The following CACNA2D3 variants were observed in gnomAD, a reference collection of about 807,000 sequenced individuals.
The protein encoded by CACNA2D3 is calcium voltage-gated channel auxiliary subunit alpha2delta 3.
Under a neutral mutation model 160.6 loss-of-function variants are expected in CACNA2D3, and 60 were observed. The observed-to-expected ratio is 0.37, with a 90% confidence interval of 0.30 to 0.46. The LOEUF is 0.46. CACNA2D3 is among the 20% of genes least tolerant of loss of function. The pLI, the probability that CACNA2D3 is intolerant of heterozygous loss-of-function variation, is 1.00. For synonymous variants in CACNA2D3, 558 were observed against 492.9 expected, an observed-to-expected ratio of 1.13 and a Z score of -1.75; for missense variants, 1,205 against 1,365.0, an observed-to-expected ratio of 0.88 and a Z score of 1.85.
intron 9 of CACNA2D3, among the ~76,000 whole-genome samples, chr3:54,592,988 G>A (rs1702889767): frequency 6.6e-6 from 1 of 152,040 alleles, no homozygotes; most frequent in Non-Finnish European, 1.5e-5. Flanking sequence ...TGGGGTGAGG[G>A]GTATGTTATG....
At chr3:54,253,345 G>T (rs2107427824) in intron 2 of CACNA2D3, among the ~76,000 whole-genome samples, 1 of 152,212 alleles carries the variant, frequency 6.6e-6, no homozygotes, top group East Asian at 1.9e-4. Context: ...AGCGGATTCT[G>T]CTTGGCTTCT....
At chr3:54,142,417 G>C (rs1699954158) in intron 2 of CACNA2D3, among the ~76,000 whole-genome samples, 1 of 152,138 alleles carries the variant, frequency 6.6e-6, no homozygotes, top group South Asian at 2.1e-4. Flanking sequence ...CTGCCTTCAG[G>C]AAGCCTTATT....
chr3:54,311,329 A>G (rs1362263145), intron 2 of CACNA2D3, among the ~76,000 whole-genome samples: 3 of 152,088 alleles, frequency 2.0e-5, no homozygotes, highest in Non-Finnish European at 1.5e-5. Context: ...GCCCCTTTCT[A>G]TCACACCTTG....
chr3:54,613,176 G>A (rs1403706995), intron 9 of CACNA2D3, among the ~76,000 whole-genome samples: 1 of 152,152 alleles, frequency 6.6e-6, no homozygotes, highest in Non-Finnish European at 1.5e-5. Flanking sequence ...TTACCTGCCA[G>A]GTAGACTGTA....
intron 29 of CACNA2D3, among the ~76,000 whole-genome samples, chr3:54,978,984 A>G (rs994917198): frequency 6.6e-6 from 1 of 152,256 alleles, no homozygotes; most frequent in African/African-American, 2.4e-5. Context: ...GATTATTTGT[A>G]TACAGTGCAG....
intron 5 of CACNA2D3, among the ~76,000 whole-genome samples, chr3:54,533,360 G>T (rs1420897356): frequency 3.5e-5 from 4 of 113,670 alleles, no homozygotes; most frequent in Non-Finnish European, 5.0e-5. Context: ...TTTTGAGACA[G>T]AGTCTCATTC....
chr3:55,074,038 G>A, intron 37 of CACNA2D3, 76 bp from the exon 38 acceptor site: 2 of 1,257,516 alleles, frequency 1.6e-6, no homozygotes, highest in Non-Finnish European at 2.3e-6. Flanking sequence ...GTTAGAGAGG[G>A]GGAGAGAGGT....
chr3:55,024,220 GCTTATTC>G (rs1170028091), intron 35 of CACNA2D3, among the ~76,000 whole-genome samples: 1 of 149,930 alleles, frequency 6.7e-6, no homozygotes, highest in Non-Finnish European at 1.5e-5. Flanking sequence ...ATGAAGTTCT[GCTTATTC>G]CTGGGTGATT....
intron 27 of CACNA2D3, among the ~76,000 whole-genome samples, chr3:54,909,065 C>A (rs1253167687): frequency 1.3e-5 from 2 of 152,150 alleles, no homozygotes; most frequent in Admixed American, 1.3e-4. Context: ...TAAGTGGATG[C>A]CGAAGACAGA....
In CACNA2D3 at chr3:54,631,284, A is replaced by C. The variant is rs72870607; in HGVS notation, c.1053+3408A>C. 1.3e-3 allele frequency among the ~76,000 whole-genome samples: 192 copies of C among 151,886 alleles called. 1 individual carries two copies. Among genetic ancestry groups the C allele is most frequent in the African/African-American group, 4.0e-3 (164 of 41,428 alleles). ...CCAGCTTGAGATTGGTTGGCGATTA[A>C]CACTATATTTGTTTGAGTGCACATT... is the stretch of plus-strand genomic sequence containing the variant. On this transcript the variant is annotated intron_variant, in intron 10 of 37. Coordinates refer to ENST00000474759, the MANE Select transcript of CACNA2D3 (RefSeq NM_018398.3).
chr3:55,018,332 C>A lies in CACNA2D3; in HGVS notation c.2987+15C>A, dbSNP rs746607215. ...GACTGCTCCAAGTAAGCCATCCCCC[C>A]ACCCTCTAACCCCCTACACCTTTCT... On this transcript the variant is annotated intron_variant, in intron 35 of 37. Coordinates refer to ENST00000474759, the MANE Select transcript of CACNA2D3 (RefSeq NM_018398.3). 2.7e-6 allele frequency: 4 copies of A among 1,487,528 alleles called. No individual in the cohort carries two copies. Among genetic ancestry groups the A allele is most frequent in the South Asian group, 2.3e-5 (2 of 87,348 alleles). The allele number at this position is 1,487,528 out of a possible 1,614,324, so 92.1% of individuals were successfully genotyped here.
Position 54,849,338 on chromosome 3 carries a change from TTGTTTGTTCATCTC to T in CACNA2D3, c.1626+2877_1626+2890del, listed in dbSNP as rs560812469. Reference sequence around the variant, plus strand: ...TACCCGTGGCTCTGGCGTGCACAAGTTGTTTGTTCATCTCTGTTTTGTTCACTTATCCCTGCTTT... The same window carrying T: ...TACCCGTGGCTCTGGCGTGCACAAGTTGTTTTGTTCACTTATCCCTGCTTT... On this transcript the variant is annotated intron_variant, in intron 17 of 37. Transcript: ENST00000474759. Among the ~76,000 whole-genome samples the T allele has an allele frequency of 5.3e-3, 813 of 152,322 alleles. 9 individuals are homozygous for T. Among genetic ancestry groups the T allele is most frequent in the African/African-American group, 0.017 (722 of 41,578 alleles).
At chr3:54,433,906 C>G (rs1324706961) in intron 4 of CACNA2D3, among the ~76,000 whole-genome samples, 1 of 152,192 alleles carries the variant, frequency 6.6e-6, no homozygotes, top group East Asian at 1.9e-4. Context: ...ATCCAACCCC[C>G]TGAAATGATC....
chr3:54,760,137 A>G (rs1264241032), intron 12 of CACNA2D3, among the ~76,000 whole-genome samples: 1 of 152,196 alleles, frequency 6.6e-6, no homozygotes, highest in Non-Finnish European at 1.5e-5. Flanking sequence ...AGAGAACACA[A>G]TAAGCAAGTG....
chr3:54,854,324 G>C (rs761785048), intron 17 of CACNA2D3, among the ~76,000 whole-genome samples: 16 of 152,188 alleles, frequency 1.1e-4, no homozygotes, highest in Non-Finnish European at 2.2e-4. Context: ...TGAGGGCACC[G>C]TCCTCACTGC....
chr3:54,542,852 C>A (rs193166366), intron 5 of CACNA2D3, among the ~76,000 whole-genome samples: 4 of 151,892 alleles, frequency 2.6e-5, no homozygotes, highest in Admixed American at 2.6e-4. Context: ...AGTTGACACT[C>A]AATATTAAGG....
At chr3:54,665,130 C>A (rs997708122) in intron 11 of CACNA2D3, among the ~76,000 whole-genome samples, 11 of 152,184 alleles carry the variant, frequency 7.2e-5, no homozygotes, top group African/African-American at 2.7e-4. Context: ...ATATACTCCA[C>A]CTTTATGTTA....
rs560231675 is a variant in CACNA2D3, at chr3:54,884,358, T to C, written c.1913-923T>C. Among the ~76,000 whole-genome samples the C allele has an allele frequency of 3.3e-5, 5 of 152,322 alleles. No homozygotes were observed. In the South Asian group the frequency reaches 8.3e-4, roughly 25 times the overall value. ...TTGGATCATATGCAATGATGTTCAT[T>C]CTAATGTATTCTCTACTTTCTGTAA... On this transcript the variant is annotated intron_variant, in intron 21 of 37. Coordinates refer to ENST00000474759, the MANE Select transcript of CACNA2D3 (RefSeq NM_018398.3).
chr3:54,686,505 C>T (rs745308374), intron 11 of CACNA2D3, among the ~76,000 whole-genome samples: 17 of 152,120 alleles, frequency 1.1e-4, no homozygotes, highest in South Asian at 2.1e-4. Context: ...AACAGGTGTA[C>T]GTTTGAATGT....
Sources: gnomAD v4.1 joint callset for allele counts (sites outside exome capture counted in the v4.1 genomes callset) on GRCh38, gnomAD v4.1.1 for gene constraint, MANE v1.5 for transcripts, NCBI Gene and HGNC (gene_info 2026-07-23, HGNC 2026-07-21) for gene names.